The following WBP1L variants were observed in gnomAD, a reference collection of about 807,000 sequenced individuals.
WBP1L encodes WW domain binding protein 1-like.
In WBP1L, 17 loss-of-function variants were observed where a neutral mutation model predicts 33.7. The observed-to-expected ratio is 0.50, with a 90% CI of 0.34 to 0.76. The LOEUF (loss-of-function observed/expected upper bound fraction) is 0.76. Among genes scored for constraint, WBP1L ranks in the 30% least tolerant of loss-of-function variants. The probability of loss-of-function intolerance (pLI) is 0.01; values close to 1 mark genes in which losing one functional copy is unlikely to be tolerated. For missense variants in WBP1L, 389 were observed against 469.4 expected (o/e 0.83, Z 1.58); for synonymous variants, 173 against 190.8 (o/e 0.91, Z 0.77).
chr10:102,758,598 G>A (rs1016940650), intron 1 of WBP1L, among the ~76,000 whole-genome samples: 4 of 152,170 alleles, frequency 2.6e-5, no homozygotes, highest in East Asian at 1.9e-4. Flanking sequence ...GGGGCTTAGC[G>A]GGTGTTCTCC....
chr10:102,759,557 A>G (rs1843013741), intron 1 of WBP1L, among the ~76,000 whole-genome samples: 1 of 151,986 alleles, frequency 6.6e-6, no homozygotes, highest in Non-Finnish European at 1.5e-5. Flanking sequence ...TTATAGATAT[A>G]CTCCATTTTA....
intron 1 of WBP1L, chr10:102,776,289 G>C: frequency 6.2e-7 from 1 of 1,610,934 alleles, no homozygotes; most frequent in Admixed American, 1.7e-5. Flanking sequence ...GGTGAACCAG[G>C]ACCACCGCAC....
At chr10:102,770,888 T>C (rs1398422392) in intron 1 of WBP1L, among the ~76,000 whole-genome samples, 2 of 152,262 alleles carry the variant, frequency 1.3e-5, no homozygotes, top group African/African-American at 2.4e-5. Flanking sequence ...TTCTAATAGC[T>C]GACGCCTGTG....
chr10:102,807,862 TA>T (rs539655812), intron 2 of WBP1L, among the ~76,000 whole-genome samples: 1,879 of 145,692 alleles, frequency 0.013, 33 homozygotes, highest in African/African-American at 0.043. Context: ...AATTATTGAT[TA>T]AAAAAAAAAA....
intron 2 of WBP1L, among the ~76,000 whole-genome samples, chr10:102,800,242 C>G (rs1035288598): frequency 6.6e-6 from 1 of 152,234 alleles, no homozygotes; most frequent in African/African-American, 2.4e-5. Flanking sequence ...CAAAAAGCCA[C>G]AGAGCTGTAG....
At chr10:102,782,372 C>T (rs568661984) in intron 1 of WBP1L, among the ~76,000 whole-genome samples, 4 of 152,028 alleles carry the variant, frequency 2.6e-5, no homozygotes, top group South Asian at 2.1e-4. Context: ...CCAAAGAAAA[C>T]AGTCACTTCC....
chr10:102,788,269 C>G (rs1320810500), intron 1 of WBP1L, among the ~76,000 whole-genome samples: 2 of 151,052 alleles, frequency 1.3e-5, no homozygotes, highest in Non-Finnish European at 2.9e-5. Flanking sequence ...GCTACCACGC[C>G]CGGCTAATTT....
At chr10:102,770,461 G>A (rs570381605) in intron 1 of WBP1L, among the ~76,000 whole-genome samples, 1 of 152,272 alleles carries the variant, frequency 6.6e-6, no homozygotes, top group African/African-American at 2.4e-5. Flanking sequence ...TCTTTCTTCA[G>A]ATCCCTTGAT....
intron 1 of WBP1L, chr10:102,776,038 G>A (rs1263353276): frequency 4.2e-5 from 40 of 953,358 alleles, no homozygotes; most frequent in Non-Finnish European, 4.9e-5. Context: ...TGGGCATCGC[G>A]GGTCTGCAGC....
chr10:102,791,812 G>A lies in WBP1L; in HGVS notation c.91-6181G>A, dbSNP rs187374374. ...TAAAGTGTTTTCCTAAGGACATGACGCTGTTGCCATTAGCCAGTTGCTAGC... is the reference window on the plus strand; with the variant it reads ...TAAAGTGTTTTCCTAAGGACATGACACTGTTGCCATTAGCCAGTTGCTAGC... On this transcript the variant is annotated intron_variant, in intron 1 of 3. Coordinates refer to ENST00000448841, the MANE Select transcript of WBP1L (RefSeq NM_001083913.2). 1.5e-3 allele frequency among the ~76,000 whole-genome samples: 223 copies of A among 152,266 alleles called. 1 individual carries two copies. Among genetic ancestry groups the A allele is most frequent in the African/African-American group, 5.2e-3 (218 of 41,554 alleles).
intron 1 of WBP1L, among the ~76,000 whole-genome samples, chr10:102,775,726 G>C (rs946801771): frequency 5.3e-5 from 8 of 152,104 alleles, no homozygotes; most frequent in African/African-American, 1.9e-4. Flanking sequence ...GAGAAAGTTG[G>C]GACAGCCAGG....
At chr10:102,800,941 A>G (rs1463509576) in intron 2 of WBP1L, among the ~76,000 whole-genome samples, 2 of 152,248 alleles carry the variant, frequency 1.3e-5, no homozygotes, top group African/African-American at 2.4e-5. Flanking sequence ...CTCCTTAACT[A>G]TAGTTGCCTA....
chr10:102,786,501 C>A (rs1843417377), intron 1 of WBP1L, among the ~76,000 whole-genome samples: 1 of 152,216 alleles, frequency 6.6e-6, no homozygotes, highest in South Asian at 2.1e-4. Context: ...AGTCTATCTA[C>A]ATTCTTGACA....
At chr10:102,790,867 G>A (rs1843487991) in intron 1 of WBP1L, among the ~76,000 whole-genome samples, 1 of 152,122 alleles carries the variant, frequency 6.6e-6, no homozygotes, top group Non-Finnish European at 1.5e-5. Context: ...GATCTGTTCA[G>A]TTTTGTATTT....
chr10:102,782,214 CTTTTTTTTTTTTT>C lies in WBP1L; in HGVS notation c.91-15767_91-15755del, dbSNP rs397961661. ...CAACCATCTCTGTTGAAAGAAGCTG[CTTTTTTTTTTTTT>C]TTTTTTTTTTTGAGGAACGTGGCTT... On this transcript the variant is annotated intron_variant, in intron 1 of 3. Coordinates refer to ENST00000448841, the MANE Select transcript of WBP1L (RefSeq NM_001083913.2). Among the ~76,000 whole-genome samples, 26 of 49,170 alleles carry C rather than the reference CTTTTTTTTTTTTT, an allele frequency of 5.3e-4. 1 individual carries two copies. Among genetic ancestry groups the C allele is most frequent in the Admixed American group, 1.7e-3 (5 of 3,024 alleles). The allele number at this position is 49,170 out of a possible 152,430, so 32.3% of individuals were successfully genotyped here.
At chr10:102,795,825 T>G (rs1843565792) in intron 1 of WBP1L, among the ~76,000 whole-genome samples, 1 of 152,186 alleles carries the variant, frequency 6.6e-6, no homozygotes, top group South Asian at 2.1e-4. Flanking sequence ...ATGAAAGGCA[T>G]GTTTTGCTCT....
At chr10:102,807,050 A>G (rs72845859) in intron 2 of WBP1L, among the ~76,000 whole-genome samples, 5,638 of 152,284 alleles carry the variant, frequency 0.037, 147 homozygotes, top group Non-Finnish European at 0.052. Flanking sequence ...CAAGAGATAC[A>G]TGTGGAACTA....
chr10:102,748,505 C>G (rs995971397), intron 1 of WBP1L, among the ~76,000 whole-genome samples: 25 of 152,316 alleles, frequency 1.6e-4, no homozygotes, highest in African/African-American at 6.0e-4. Flanking sequence ...AGATTCTAAT[C>G]CCTTTTACCT....
intron 1 of WBP1L, among the ~76,000 whole-genome samples, chr10:102,758,610 T>TAAGCGG (rs1172997310): frequency 1.3e-5 from 2 of 152,184 alleles, no homozygotes; most frequent in Non-Finnish European, 2.9e-5. Flanking sequence ...GTGTTCTCCC[T>TAAGCGG]GTGTGCGGAG....
Sources: gnomAD v4.1 joint callset for allele counts (sites outside exome capture counted in the v4.1 genomes callset) on GRCh38, gnomAD v4.1.1 for gene constraint, MANE v1.5 for transcripts, NCBI Gene and HGNC (gene_info 2026-07-23, HGNC 2026-07-21) for gene names.